NXPH1: variants seen among roughly 807,000 people sequenced by gnomAD.
The protein encoded by NXPH1 is neurexophilin 1, also known as neurexophilin-1.
In NXPH1, 5 loss-of-function variants were observed where a neutral mutation model predicts 23.7. That is an observed-to-expected ratio of 0.21 (90% CI 0.11 to 0.44). NXPH1 has a LOEUF of 0.44. Among genes scored for constraint, NXPH1 ranks in the 20% least tolerant of loss-of-function variants. NXPH1 has a pLI of 0.99. For missense variants in NXPH1, 324 were observed against 321.6 expected (o/e 1.01, Z -0.06); for synonymous variants, 144 against 122.2 (o/e 1.18, Z -1.18).
At chr7:8,458,289 C>T (rs1472164503) in intron 2 of NXPH1, among the ~76,000 whole-genome samples, 2 of 152,128 alleles carry the variant, frequency 1.3e-5, no homozygotes, top group African/African-American at 4.8e-5. Flanking sequence ...TCAGGCAGTT[C>T]CATAACCTCT....
chr7:8,678,952 T>C (rs1821005043), intron 2 of NXPH1, among the ~76,000 whole-genome samples: 1 of 78,506 alleles, frequency 1.3e-5, no homozygotes, highest in African/African-American at 3.9e-5. Flanking sequence ...TTTTTTTTTT[T>C]TTTTTTTTTT....
intron 2 of NXPH1, among the ~76,000 whole-genome samples, chr7:8,676,893 AC>A (rs1197865742): frequency 1.3e-5 from 2 of 152,210 alleles, no homozygotes; most frequent in African/African-American, 4.8e-5. Flanking sequence ...AGACTTCTGA[AC>A]CAAATATGTT....
intron 2 of NXPH1, among the ~76,000 whole-genome samples, chr7:8,551,140 T>G (rs1818269451): frequency 6.6e-6 from 1 of 151,504 alleles, no homozygotes; most frequent in South Asian, 2.1e-4. Context: ...CCTCAAAAAA[T>G]TAAAGATTAT....
chr7:8,549,446 C>T (rs1818246467), intron 2 of NXPH1, among the ~76,000 whole-genome samples: 1 of 151,440 alleles, frequency 6.6e-6, no homozygotes, highest in Non-Finnish European at 1.5e-5. Flanking sequence ...AATGCCAAGT[C>T]TTTTTAATGA....
chr7:8,490,944 A>C (rs1030113782), intron 2 of NXPH1, among the ~76,000 whole-genome samples: 1 of 152,110 alleles, frequency 6.6e-6, no homozygotes, highest in Non-Finnish European at 1.5e-5. Context: ...AACATTTCAC[A>C]GGACTGTGTC....
intron 2 of NXPH1, among the ~76,000 whole-genome samples, chr7:8,737,658 C>T (rs6954426): frequency 0.022 from 3,368 of 152,222 alleles, 105 homozygotes; most frequent in African/African-American, 0.07. Flanking sequence ...CTCTGTATTT[C>T]GTGGATTTGA....
At chr7:8,744,752 T>A (rs1017742719) in intron 2 of NXPH1, among the ~76,000 whole-genome samples, 1 of 152,244 alleles carries the variant, frequency 6.6e-6, no homozygotes, top group Non-Finnish European at 1.5e-5. Flanking sequence ...TCCTTGCAGA[T>A]GCAAGCAAGC....
intron 2 of NXPH1, among the ~76,000 whole-genome samples, chr7:8,730,419 C>T (rs1780130573): frequency 6.6e-6 from 1 of 151,478 alleles, no homozygotes; most frequent in African/African-American, 2.4e-5. Context: ...TTAGTTGATG[C>T]AGTTTCTTCC....
At chr7:8,621,722 G>A (rs559051830) in intron 2 of NXPH1, among the ~76,000 whole-genome samples, 3 of 152,126 alleles carry the variant, frequency 2.0e-5, no homozygotes, top group African/African-American at 7.2e-5. Context: ...CTGACCTCAG[G>A]TGATCCACCT....
intron 2 of NXPH1, among the ~76,000 whole-genome samples, chr7:8,500,684 A>G (rs527428368): frequency 1.3e-5 from 2 of 152,224 alleles, no homozygotes; most frequent in South Asian, 4.1e-4. Context: ...TTTCTTAACT[A>G]GCTTTATGGC....
intron 2 of NXPH1, among the ~76,000 whole-genome samples, chr7:8,678,741 G>A (rs992893693): frequency 2.0e-5 from 3 of 151,570 alleles, no homozygotes; most frequent in African/African-American, 7.3e-5. Flanking sequence ...CTGCCTGCAG[G>A]TTTGTGGTCT....
chr7:8,585,003 A>G (rs1279608911), intron 2 of NXPH1, among the ~76,000 whole-genome samples: 1 of 152,190 alleles, frequency 6.6e-6, no homozygotes, highest in Non-Finnish European at 1.5e-5. Flanking sequence ...GTTTAAAAAA[A>G]GTTGTCATTT....
At chr7:8,498,029 T>C (rs973195420) in intron 2 of NXPH1, among the ~76,000 whole-genome samples, 1 of 152,130 alleles carries the variant, frequency 6.6e-6, no homozygotes, top group Non-Finnish European at 1.5e-5. Flanking sequence ...GTATTAAAAC[T>C]GAAGTTTCCT....
intron 2 of NXPH1, among the ~76,000 whole-genome samples, chr7:8,486,776 G>C (rs983235152): frequency 2.6e-5 from 4 of 152,056 alleles, no homozygotes; most frequent in Non-Finnish European, 5.9e-5. Context: ...TTGGTGTGCA[G>C]TTCTCTCTAT....
At chr7:8,507,637 A>G (rs986730249) in intron 2 of NXPH1, among the ~76,000 whole-genome samples, 1 of 152,122 alleles carries the variant, frequency 6.6e-6, no homozygotes, top group Non-Finnish European at 1.5e-5. Context: ...AAGTTTATTG[A>G]TTGAAGCTGA....
intron 2 of NXPH1, among the ~76,000 whole-genome samples, chr7:8,519,659 T>C (rs964765936): frequency 1.3e-5 from 2 of 152,192 alleles, no homozygotes; most frequent in Non-Finnish European, 2.9e-5. Context: ...CCTTCTTCTC[T>C]CTCTCCCTCA....
intron 2 of NXPH1, among the ~76,000 whole-genome samples, chr7:8,635,120 T>C (rs17153012): frequency 0.28 from 41,836 of 152,018 alleles, 6,224 homozygotes; most frequent in African/African-American, 0.35. Context: ...AGGCCATTTT[T>C]CTAGAGGCAA....
chr7:8,697,234 C>T (rs2115187344), intron 2 of NXPH1, among the ~76,000 whole-genome samples: 1 of 150,734 alleles, frequency 6.6e-6, no homozygotes, highest in African/African-American at 2.4e-5. Context: ...GACTGTGGTG[C>T]CAAGAGTTTG....
chr7:8,471,349 G>A (rs1053000820), intron 2 of NXPH1, among the ~76,000 whole-genome samples: 2 of 152,060 alleles, frequency 1.3e-5, no homozygotes, highest in Non-Finnish European at 2.9e-5. Context: ...AAAAACTCTG[G>A]GTCACACGAA....
Sources: gnomAD v4.1 joint callset for allele counts (sites outside exome capture counted in the v4.1 genomes callset) on GRCh38, gnomAD v4.1.1 for gene constraint, MANE v1.5 for transcripts, NCBI Gene and HGNC (gene_info 2026-07-23, HGNC 2026-07-21) for gene names.